The following PLCL1 variants were observed in gnomAD, a reference collection of about 807,000 sequenced individuals.
The protein encoded by PLCL1 is inactive phospholipase C-like protein 1.
A neutral mutation model predicts 84.4 loss-of-function variants in PLCL1; 41 were observed. That is an observed-to-expected ratio of 0.49 (90% CI 0.38 to 0.63). The LOEUF is 0.63. Ranked by LOEUF, PLCL1 falls within the 30% of genes least tolerant of loss-of-function variation. PLCL1 has a pLI of 0.00. For synonymous variants in PLCL1, 490 were observed against 488.3 expected (o/e 1.00, Z -0.05); for missense variants, 1,206 against 1,367.8 (o/e 0.88, Z 1.87).
chr2:197,901,429 A>G (rs1688266064), intron 1 of PLCL1, among the ~76,000 whole-genome samples: 2 of 152,230 alleles, frequency 1.3e-5, no homozygotes, highest in Non-Finnish European at 2.9e-5. Context: ...AAGATTCAGA[A>G]AAGGCAAGAG....
At chr2:197,914,503 G>GT (rs1347299591) in intron 1 of PLCL1, among the ~76,000 whole-genome samples, 4 of 151,870 alleles carry the variant, frequency 2.6e-5, no homozygotes, top group Non-Finnish European at 5.9e-5. Flanking sequence ...CTAGTTTTTG[G>GT]TATTTTTAGT....
At chr2:198,139,895 CAG>C (rs1694343029) in intron 5 of PLCL1, among the ~76,000 whole-genome samples, 1 of 151,898 alleles carries the variant, frequency 6.6e-6, no homozygotes, top group East Asian at 1.9e-4. Context: ...CAAGGTATAA[CAG>C]GGACAATAAA....
intron 5 of PLCL1, among the ~76,000 whole-genome samples, chr2:198,145,012 A>G (rs1445295396): frequency 9.2e-5 from 14 of 152,124 alleles, no homozygotes; most frequent in Admixed American, 8.5e-4. Flanking sequence ...TAATCAGTAA[A>G]TTGAGAATAA....
rs1694573443 is a variant in PLCL1, at chr2:198,148,232, AG to A, written c.*1271del. The A allele has an allele frequency of 6.6e-6, 1 of 152,318 alleles. No individual in the cohort carries two copies. Among genetic ancestry groups the A allele is most frequent in the East Asian group, 1.9e-4 (1 of 5,332 alleles). The allele number at this position is 152,318 out of a possible 1,614,324, so 9.4% of individuals were successfully genotyped here. On this transcript the variant is annotated 3_prime_UTR_variant, in exon 6 of 6. Coordinates refer to ENST00000428675, the MANE Select transcript of PLCL1 (RefSeq NM_006226.4). ...TTAAAGCATTGCTTTTATTTTGAAA[AG>A]CTTCTTAATTAATTTGATTAACAAA...
chr2:197,952,719 T>G (rs1241061394), intron 1 of PLCL1, among the ~76,000 whole-genome samples: 1 of 152,132 alleles, frequency 6.6e-6, no homozygotes, highest in Admixed American at 6.5e-5. Flanking sequence ...CAGTGAGAGA[T>G]AACTGAATTA....
chr2:198,086,859 T>C (rs888193332), intron 2 of PLCL1, among the ~76,000 whole-genome samples: 5 of 152,172 alleles, frequency 3.3e-5, no homozygotes, highest in African/African-American at 4.8e-5. Flanking sequence ...AATATATGTG[T>C]GTAATACATA....
At chr2:197,891,852 G>C (rs1268954074) in intron 1 of PLCL1, among the ~76,000 whole-genome samples, 1 of 152,082 alleles carries the variant, frequency 6.6e-6, no homozygotes, top group Non-Finnish European at 1.5e-5. Context: ...GATAGTTCAG[G>C]GTTAGGATCT....
chr2:198,110,753 A>G (rs1220566336), intron 5 of PLCL1, among the ~76,000 whole-genome samples: 1 of 151,810 alleles, frequency 6.6e-6, no homozygotes. Context: ...CATAGTGACC[A>G]TGCCTTTGGG....
At chr2:197,984,902 C>T (rs550343058) in intron 1 of PLCL1, among the ~76,000 whole-genome samples, 1 of 151,160 alleles carries the variant, frequency 6.6e-6, no homozygotes, top group Non-Finnish European at 1.5e-5. Context: ...TGATTCATTT[C>T]AGCTAAAAAT....
chr2:197,843,482 C>T (rs760524819), intron 1 of PLCL1, among the ~76,000 whole-genome samples: 4 of 152,084 alleles, frequency 2.6e-5, no homozygotes, highest in Admixed American at 6.5e-5. Context: ...GTTCTTCTTC[C>T]TTCTATATTG....
At chr2:197,845,456 A>G (rs764384154) in intron 1 of PLCL1, among the ~76,000 whole-genome samples, 5 of 152,186 alleles carry the variant, frequency 3.3e-5, no homozygotes, top group Non-Finnish European at 5.9e-5. Context: ...AGCCATTGCC[A>G]TGGAAAAAGA....
intron 1 of PLCL1, among the ~76,000 whole-genome samples, chr2:197,847,979 T>A (rs1327449788): frequency 6.6e-6 from 1 of 152,176 alleles, no homozygotes. Context: ...TTCCTATCCT[T>A]TCCTCTAAAG....
intron 1 of PLCL1, among the ~76,000 whole-genome samples, chr2:198,006,787 C>T (rs1210102667): frequency 6.6e-6 from 1 of 152,152 alleles, no homozygotes; most frequent in Non-Finnish European, 1.5e-5. Flanking sequence ...TTTGGAGCAA[C>T]AGAAAGCTGC....
intron 1 of PLCL1, among the ~76,000 whole-genome samples, chr2:197,912,423 A>T (rs1290137581): frequency 6.6e-6 from 1 of 151,742 alleles, no homozygotes; most frequent in African/African-American, 2.4e-5. Flanking sequence ...ATACCATTTG[A>T]CCCAGCCATC....
chr2:198,051,464 C>A (rs1574275208), intron 1 of PLCL1, among the ~76,000 whole-genome samples: 1 of 152,092 alleles, frequency 6.6e-6, no homozygotes, highest in Non-Finnish European at 1.5e-5. Context: ...GAAAATTAGA[C>A]ATATAATTTT....
intron 5 of PLCL1, among the ~76,000 whole-genome samples, chr2:198,141,503 A>G (rs910709212): frequency 3.3e-5 from 5 of 151,942 alleles, no homozygotes; most frequent in Non-Finnish European, 5.9e-5. Flanking sequence ...AAAGTCTAAC[A>G]TGACATCAAA....
chr2:198,103,848 T>A lies in PLCL1; in HGVS notation c.3017T>A (p.Leu1006His), dbSNP rs1177059197. 6.2e-7 allele frequency: 1 copy of A among 1,603,132 alleles called. No homozygotes were observed. Among genetic ancestry groups the A allele is most frequent in the Non-Finnish European group, 8.5e-7 (1 of 1,173,592 alleles). ...QKAGMEFHEE[L>H]HNLGAKEGLK... ...AAAGGGATGGAGTTCCATGAAGAAC[T>A]TCATAATTTGGGGGCAAAAGAAGGC... is the stretch of plus-strand genomic sequence containing the variant. The change falls in exon 5 of 6, where the codon CTT (leucine) becomes CAT (histidine). Residue 1006 changes from leucine to histidine, a missense_variant. Coordinates refer to ENST00000428675, the MANE Select transcript of PLCL1 (RefSeq NM_006226.4).
intron 1 of PLCL1, among the ~76,000 whole-genome samples, chr2:197,849,121 C>G (rs1326782298): frequency 6.6e-6 from 1 of 152,130 alleles, no homozygotes; most frequent in Non-Finnish European, 1.5e-5. Context: ...CATGACATAC[C>G]ATCTTCCCTG....
chr2:197,895,186 T>A (rs775791256), intron 1 of PLCL1, among the ~76,000 whole-genome samples: 5 of 151,958 alleles, frequency 3.3e-5, no homozygotes, highest in Admixed American at 6.6e-5. Flanking sequence ...GCATACTCTC[T>A]ACCAAGAATA....
Sources: gnomAD v4.1 joint callset for allele counts (sites outside exome capture counted in the v4.1 genomes callset) on GRCh38, gnomAD v4.1.1 for gene constraint, MANE v1.5 for transcripts, NCBI Gene and HGNC (gene_info 2026-07-23, HGNC 2026-07-21) for gene names.